Variants in NCK1 observed in about 807,000 individuals in gnomAD.
The protein encoded by NCK1 is NCK adaptor protein 1.
A neutral mutation model predicts 36.6 loss-of-function variants in NCK1; 19 were observed. The ratio of observed to expected loss-of-function variants is 0.52; its 90% CI spans 0.36 to 0.76. NCK1 has a LOEUF of 0.76. NCK1 is among the 30% of genes least tolerant of loss of function. NCK1 has a pLI of 0.00. For missense variants in NCK1, 358 were observed against 445.6 expected (o/e 0.80, Z 1.77); for synonymous variants, 165 against 156.0 (o/e 1.06, Z -0.43).
chr3:136,865,014 A>G (rs1398740895), intron 1 of NCK1, among the ~76,000 whole-genome samples: 4 of 150,888 alleles, frequency 2.7e-5, no homozygotes, highest in African/African-American at 9.7e-5. Flanking sequence ...GCTGGAGTGC[A>G]GTGGCGGGAT....
intron 1 of NCK1, among the ~76,000 whole-genome samples, chr3:136,902,870 A>G (rs1939580485): frequency 1.3e-5 from 2 of 152,376 alleles, no homozygotes; most frequent in South Asian, 2.1e-4. Flanking sequence ...TTGCAGGACA[A>G]AATCAACACA....
chr3:136,925,463 C>A (rs1327167375), intron 1 of NCK1, among the ~76,000 whole-genome samples: 4 of 152,170 alleles, frequency 2.6e-5, no homozygotes, highest in South Asian at 4.1e-4. Flanking sequence ...TACAATATCA[C>A]AATAATATTA....
Position 136,949,930 on chromosome 3 carries a change from A to G in NCK1, c.*1477A>G, listed in dbSNP as rs1351241346. 1 of 152,058 alleles carries G rather than the reference A, an allele frequency of 6.6e-6. No homozygotes were observed. Among genetic ancestry groups the G allele is most frequent in the Non-Finnish European group, 1.5e-5 (1 of 67,922 alleles). The allele number at this position is 152,058 out of a possible 1,614,324, so 9.4% of individuals were successfully genotyped here. A position where few individuals can be genotyped will look rare whatever the true frequency, so the allele number is the denominator to read the frequency against. On this transcript the variant is annotated 3_prime_UTR_variant, in exon 4 of 4. Coordinates refer to ENST00000481752, the MANE Select transcript of NCK1 (RefSeq NM_001291999.2). ...CTGGGTGGCAGCCATGGCTTCTCCC[A>G]CTAAGCAACAGAAGTGACCAAATAT...
intron 1 of NCK1, among the ~76,000 whole-genome samples, chr3:136,866,489 T>C (rs953687390): frequency 2.0e-5 from 3 of 152,080 alleles, no homozygotes; most frequent in Non-Finnish European, 4.4e-5. Flanking sequence ...GTATTTTTAG[T>C]AGAGACGGGG....
chr3:136,875,272 T>C (rs968174150), intron 1 of NCK1, among the ~76,000 whole-genome samples: 1 of 152,134 alleles, frequency 6.6e-6, no homozygotes, highest in African/African-American at 2.4e-5. Flanking sequence ...TTAAGGAGAT[T>C]TTGGGCTGAG....
intron 2 of NCK1, among the ~76,000 whole-genome samples, chr3:136,944,123 T>TTTTTTTTTTTG (rs1940748008): frequency 7.2e-6 from 1 of 138,116 alleles, no homozygotes; most frequent in African/African-American, 2.9e-5. Flanking sequence ...TTTTTTTTTT[T>TTTTTTTTTTTG]TTTTTTTTTT....
chr3:136,944,039 G>A (rs1006961676), intron 2 of NCK1, among the ~76,000 whole-genome samples: 6 of 150,726 alleles, frequency 4.0e-5, no homozygotes, highest in Non-Finnish European at 7.4e-5. Context: ...TTAGAATGTT[G>A]GAGACAAAGG....
intron 1 of NCK1, among the ~76,000 whole-genome samples, chr3:136,892,660 C>A (rs915023455): frequency 6.6e-6 from 1 of 150,656 alleles, no homozygotes; most frequent in African/African-American, 2.4e-5. Context: ...GCCAAACAGG[C>A]CTGTAAGACC....
At position 136,949,214 on chromosome 3, in the gene NCK1, T is replaced by G. The variant is rs1940910864; in HGVS notation, c.*761T>G. The G allele has an allele frequency of 6.6e-6, 1 of 152,030 alleles. No homozygotes were observed. Among genetic ancestry groups the G allele is most frequent in the South Asian group, 2.1e-4 (1 of 4,826 alleles). 9.4% of individuals were successfully genotyped at this position (152,030 alleles called of 1,614,324 possible). A position where few individuals can be genotyped will look rare whatever the true frequency, so the allele number is the denominator to read the frequency against. On this transcript the variant is annotated 3_prime_UTR_variant, in exon 4 of 4. Coordinates refer to ENST00000481752, the MANE Select transcript of NCK1 (RefSeq NM_001291999.2). ...AAACTGTAAATAGATGCTCTAGTGT[T>G]ATTTATTTTTTTAATCCCACTTGTA...
chr3:136,889,860 TTGGTG>T (rs1939188001), intron 1 of NCK1, among the ~76,000 whole-genome samples: 1 of 152,012 alleles, frequency 6.6e-6, no homozygotes, highest in Non-Finnish European at 1.5e-5. Flanking sequence ...AGAGTGCCCA[TTGGTG>T]TATTTACAAT....
intron 1 of NCK1, among the ~76,000 whole-genome samples, chr3:136,905,428 CTT>C (rs76657771): frequency 1.4e-5 from 2 of 146,036 alleles, no homozygotes; most frequent in African/African-American, 2.5e-5. Context: ...TCTCTTGTAT[CTT>C]TTTTTTTTTG....
At chr3:136,897,617 C>T (rs1488001676) in intron 1 of NCK1, among the ~76,000 whole-genome samples, 1 of 152,022 alleles carries the variant, frequency 6.6e-6, no homozygotes, top group African/African-American at 2.4e-5. Context: ...CTTGTATATT[C>T]TAGGTATTAG....
At chr3:136,900,646 T>G (rs1419021084) in intron 1 of NCK1, among the ~76,000 whole-genome samples, 2 of 152,194 alleles carry the variant, frequency 1.3e-5, no homozygotes, top group African/African-American at 4.8e-5. Flanking sequence ...AATGCCTTCT[T>G]GATTTCTTTC....
chr3:136,918,439 G>T (rs1264260898), intron 1 of NCK1, among the ~76,000 whole-genome samples: 1 of 152,148 alleles, frequency 6.6e-6, no homozygotes, highest in Non-Finnish European at 1.5e-5. Context: ...AAGTAATCTA[G>T]AGATGACTTA....
chr3:136,869,636 TAACTC>T (rs752134960), intron 1 of NCK1, among the ~76,000 whole-genome samples: 52 of 152,348 alleles, frequency 3.4e-4, no homozygotes, highest in Middle Eastern at 3.4e-3. Flanking sequence ...TTTTTCCTCT[TAACTC>T]TAAAGTTTCT....
intron 1 of NCK1, among the ~76,000 whole-genome samples, chr3:136,887,810 G>T (rs1280735488): frequency 1.3e-5 from 2 of 152,206 alleles, no homozygotes; most frequent in African/African-American, 4.8e-5. Flanking sequence ...AACTGAAGCA[G>T]AGAGGTTAGA....
In NCK1 at chr3:136,949,278, A is replaced by AT. The variant is rs1940912538; in HGVS notation, c.*826dup. On this transcript the variant is annotated 3_prime_UTR_variant, in exon 4 of 4. Transcript: ENST00000481752. Reference sequence around the variant, plus strand: ...AGAGCATCTTGTATTAGGACATGTTATATTTATGCCAGTGGGAAATAAGTT... The same window carrying AT: ...AGAGCATCTTGTATTAGGACATGTTATTATTTATGCCAGTGGGAAATAAGTT... The AT allele has an allele frequency of 6.6e-6, 1 of 151,944 alleles. No homozygotes were observed. 9.4% of individuals were successfully genotyped at this position (151,944 alleles called of 1,614,324 possible). A position where few individuals can be genotyped will look rare whatever the true frequency, so the allele number is the denominator to read the frequency against.
At chr3:136,933,833 C>A (rs530902310) in intron 2 of NCK1, among the ~76,000 whole-genome samples, 18 of 151,894 alleles carry the variant, frequency 1.2e-4, no homozygotes, top group Non-Finnish European at 2.1e-4. Flanking sequence ...GCCTCCCAAG[C>A]AGCTGGGACT....
intron 1 of NCK1, among the ~76,000 whole-genome samples, chr3:136,917,794 T>A (rs1940006762): frequency 6.6e-6 from 1 of 152,242 alleles, no homozygotes; most frequent in South Asian, 2.1e-4. Context: ...TCTGCTTCCA[T>A]GTCTCAGGAA....
Sources: gnomAD v4.1 joint callset for allele counts (sites outside exome capture counted in the v4.1 genomes callset) on GRCh38, gnomAD v4.1.1 for gene constraint, MANE v1.5 for transcripts, NCBI Gene and HGNC (gene_info 2026-07-23, HGNC 2026-07-21) for gene names.